CENPV: variants seen among roughly 807,000 people sequenced by gnomAD.
CENPV encodes centromere protein V.
In CENPV, 15 loss-of-function variants were observed where a neutral mutation model predicts 26.4. That is an observed-to-expected ratio of 0.57 (90% CI 0.38 to 0.88). The LOEUF is 0.88. Among genes scored for constraint, CENPV ranks in the 40% least tolerant of loss-of-function variants. The pLI, the probability that CENPV is intolerant of heterozygous loss-of-function variation, is 0.00. For synonymous variants in CENPV, 172 were observed against 165.5 expected (o/e 1.04, Z -0.30); for missense variants, 336 against 376.5 (o/e 0.89, Z 0.89).
chr17:16,349,689 G>A, intron 2 of CENPV: 1 of 1,252,876 alleles, frequency 8.0e-7, no homozygotes, highest in Non-Finnish European at 1.0e-6. Context: ...GCTGCCACAA[G>A]CCACAAGCCC....
chr17:16,343,313 C>T (rs762584650), intron 4 of CENPV, among the ~76,000 whole-genome samples: 1 of 152,188 alleles, frequency 6.6e-6, no homozygotes, highest in Non-Finnish European at 1.5e-5. Flanking sequence ...ACAGGCCTTT[C>T]CTGTGTTTAG....
At chr17:16,348,946 C>T (rs1277033727) in intron 2 of CENPV, 36 of 1,201,832 alleles carry the variant, frequency 3.0e-5, no homozygotes, top group Non-Finnish European at 3.8e-5. Context: ...GTACTGCCCA[C>T]CCCTCAGTTC....
At chr17:16,344,742 T>G (rs765763148) in intron 3 of CENPV, 31 bp from the exon 4 acceptor site, 1 of 1,227,832 alleles carries the variant, frequency 8.1e-7, no homozygotes, top group Non-Finnish European at 1.1e-6. Flanking sequence ...GGTATTCTTT[T>G]TTACAAAGAG....
chr17:16,342,607 T>A lies in CENPV; in HGVS notation c.*210A>T. 1.8e-6 allele frequency: 1 copy of A among 556,456 alleles called. No individual in the cohort carries two copies. Among genetic ancestry groups the A allele is most frequent in the East Asian group, 2.8e-5 (1 of 35,114 alleles). 34.5% of individuals were successfully genotyped at this position (556,456 alleles called of 1,614,324 possible). A position where few individuals can be genotyped will look rare whatever the true frequency, so the allele number is the denominator to read the frequency against. The stretch of plus-strand genomic sequence containing the variant: ...AAGTTGGGAAGAGAAGGATGTCAAT[T>A]AGACTACATCAAAATCTGGGCAGAG... On this transcript the variant is annotated 3_prime_UTR_variant, in exon 5 of 5. Coordinates refer to ENST00000299736, the MANE Select transcript of CENPV (RefSeq NM_181716.3).
At chr17:16,352,234 A>C (rs2093231594) in intron 1 of CENPV, among the ~76,000 whole-genome samples, 1 of 152,214 alleles carries the variant, frequency 6.6e-6, no homozygotes, top group South Asian at 2.1e-4. Flanking sequence ...TCCCCGAGGC[A>C]GGAATCCAGA....
chr17:16,347,908 A>G (rs927309983), intron 3 of CENPV: 2 of 152,238 alleles, frequency 1.3e-5, no homozygotes, highest in African/African-American at 4.8e-5. Flanking sequence ...GGGAAATGAG[A>G]TAAGCAGTTT....
At chr17:16,344,358 C>T (rs973200813) in intron 4 of CENPV, 9 of 279,242 alleles carry the variant, frequency 3.2e-5, no homozygotes, top group Non-Finnish European at 5.3e-5. Flanking sequence ...AGAATCACAA[C>T]CTGGATGGGC....
In CENPV at chr17:16,352,995, G is replaced by C. The variant is rs752052373; in HGVS notation, c.410+32C>G. ...CTGCCGAGGGGGTCCGCGTGGCAAC[G>C]GCTCCCGCGCCCCCCGGCCCGCCGC... On this transcript the variant is annotated intron_variant, in intron 1 of 4. Transcript: ENST00000299736. 3.3e-6 allele frequency: 5 copies of C among 1,521,718 alleles called. No homozygotes were observed. In the East Asian group the frequency reaches 8.0e-5, roughly 24 times the overall value. The allele number at this position is 1,521,718 out of a possible 1,614,324, so 94.3% of individuals were successfully genotyped here.
chr17:16,343,947 A>G (rs1221656336), intron 4 of CENPV, among the ~76,000 whole-genome samples: 1 of 152,076 alleles, frequency 6.6e-6, no homozygotes, highest in East Asian at 1.9e-4. Context: ...TCAGAGGGTT[A>G]GTTTTATTAC....
chr17:16,349,955 G>A lies in CENPV; in HGVS notation c.485C>T (p.Ala162Val), dbSNP rs950166371. Reference sequence around the variant, plus strand: ...CTTGCAGTCAAATATATGCAAGTCTGCTGAGGCCCAAACTTCAAAACGAAC... The same window carrying A: ...CTTGCAGTCAAATATATGCAAGTCTACTGAGGCCCAAACTTCAAAACGAAC... The part of the protein sequence containing the change: ...GAVRFEVWAS[A>V]DLHIFDCNCS... The change falls in exon 2 of 5, where the codon GCA becomes GTA. Residue 162 changes from alanine (A) to valine (V), a missense_variant. Around this residue, in one of 2 missense-constraint regions of CENPV, gnomAD observed 155 missense variants for 227.8 expected, o/e 0.68. Coordinates refer to ENST00000299736, the MANE Select transcript of CENPV (RefSeq NM_181716.3). 6.2e-7 allele frequency: 1 copy of A among 1,613,822 alleles called. No individual in the cohort carries two copies. Among genetic ancestry groups the A allele is most frequent in the Admixed American group, 1.7e-5 (1 of 60,000 alleles).
chr17:16,348,497 G>A, intron 3 of CENPV, 119 bp downstream of exon 3: 1 of 1,541,378 alleles, frequency 6.5e-7, no homozygotes, highest in Non-Finnish European at 8.8e-7. Context: ...CCCGTGAGAG[G>A]CCCTGCTATG....
In CENPV at chr17:16,353,465, G is replaced by T; in HGVS notation, c.-29C>A. The stretch of plus-strand genomic sequence containing the variant: ...TCCCGCAGCCTGGCGCGCAGGCCTC[G>T]CAGCGCGGCGCGCCCCCGCCGGCCT... On this transcript the variant is annotated 5_prime_UTR_variant, in exon 1 of 5. Coordinates refer to ENST00000299736, the MANE Select transcript of CENPV (RefSeq NM_181716.3). 9.6e-7 allele frequency: 1 copy of T among 1,042,426 alleles called. No individual in the cohort carries two copies. 64.6% of individuals were successfully genotyped at this position (1,042,426 alleles called of 1,614,324 possible).
chr17:16,342,968 G>T, intron 4 of CENPV, 27 bp from the exon 5 acceptor site: 1 of 1,613,944 alleles, frequency 6.2e-7, no homozygotes, highest in Non-Finnish European at 8.5e-7. Context: ...CAGACAAAGG[G>T]GGATCCTCAG....
intron 4 of CENPV, 79 bp downstream of exon 4, chr17:16,344,518 G>C (rs1213649571): frequency 2.7e-6 from 2 of 749,666 alleles, no homozygotes; most frequent in African/African-American, 3.7e-5. Flanking sequence ...CATCCCACCT[G>C]TCCAAATAAG....
rs2093235887 is a variant in CENPV, at chr17:16,353,377, G to GGCCCCGGAGGCCCCGGAC, written c.59_60insGTCCGGGGCCTCCGGGGC (p.Ser21_Ala22insGlyAlaSerGlyAlaSer). On this transcript the variant is annotated inframe_insertion, in exon 1 of 5. Transcript: ENST00000299736. ...CCGCGGAGGCCGCGGGGGCCGCGGA[G>GGCCCCGGAGGCCCCGGAC]GCCCCGGACCGCTTCTGCCCGCGCA... is the stretch of plus-strand genomic sequence containing the variant. 1.6e-6 allele frequency: 2 copies of GGCCCCGGAGGCCCCGGAC among 1,230,358 alleles called. No individual in the cohort carries two copies. Among genetic ancestry groups the GGCCCCGGAGGCCCCGGAC allele is most frequent in the Middle Eastern group, 3.2e-4 (1 of 3,116 alleles). 76.2% of individuals were successfully genotyped at this position (1,230,358 alleles called of 1,614,324 possible).
chr17:16,349,879 A>G, intron 2 of CENPV, 52 bp downstream of exon 2: 2 of 1,601,924 alleles, frequency 1.2e-6, no homozygotes, highest in Non-Finnish European at 8.5e-7. Flanking sequence ...GAAATATTGC[A>G]TTTTAACTCT....
intron 2 of CENPV, chr17:16,349,670 G>C: frequency 8.0e-7 from 1 of 1,244,198 alleles, no homozygotes; most frequent in Non-Finnish European, 1.0e-6. Flanking sequence ...GTGTCAGTCT[G>C]AGGGTGATGC....
intron 3 of CENPV, among the ~76,000 whole-genome samples, chr17:16,346,975 C>T (rs1460897801): frequency 2.0e-5 from 3 of 151,722 alleles, no homozygotes; most frequent in Non-Finnish European, 2.9e-5. Context: ...CTCAGCCTCC[C>T]GAGTACCTGG....
chr17:16,345,796 G>A (rs1294841704), intron 3 of CENPV, among the ~76,000 whole-genome samples: 1 of 152,114 alleles, frequency 6.6e-6, no homozygotes, highest in Non-Finnish European at 1.5e-5. Flanking sequence ...CCTATGTGGA[G>A]AGACAGTTCA....
Sources: allele counts gnomAD v4.1 joint callset (sites outside exome capture counted in the v4.1 genomes callset), GRCh38; gene constraint gnomAD v4.1.1; regional missense constraint gnomAD v4.1.1; transcripts MANE v1.5; gene names NCBI Gene and HGNC (gene_info 2026-07-23, HGNC 2026-07-21).